The following CCDC171 variants were observed in gnomAD, a reference collection of about 807,000 sequenced individuals.
The protein encoded by CCDC171 is coiled-coil domain containing 171.
CCDC171 carries 177 observed loss-of-function variants against 168.2 expected under a neutral mutation model. The ratio of observed to expected loss-of-function variants is 1.05; its 90% CI spans 0.93 to 1.19. The LOEUF (loss-of-function observed/expected upper bound fraction) is 1.19. CCDC171 is among the 50% of genes most tolerant of loss of function. The pLI, the probability that CCDC171 is intolerant of heterozygous loss-of-function variation, is 0.00. For missense variants in CCDC171, 1,991 were observed against 1,539.0 expected, an observed-to-expected ratio of 1.29 and a Z score of -4.91; for synonymous variants, 687 against 540.8, an observed-to-expected ratio of 1.27 and a Z score of -3.75.
At chr9:15,665,191 A>G (rs2048644203) in intron 8 of CCDC171, among the ~76,000 whole-genome samples, 1 of 152,010 alleles carries the variant, frequency 6.6e-6, no homozygotes, top group South Asian at 2.1e-4. Flanking sequence ...CAGTGGTGCA[A>G]TCACAGCCCA....
chr9:15,964,034 G>A (rs994073462), intron 25 of CCDC171, among the ~76,000 whole-genome samples: 1 of 152,212 alleles, frequency 6.6e-6, no homozygotes, highest in African/African-American at 2.4e-5. Flanking sequence ...TGGAACTTGA[G>A]CAGCCATTTT....
At chr9:16,025,396 G>A (rs1260706104) in intron 6 of CCDC171, among the ~76,000 whole-genome samples, 1 of 152,198 alleles carries the variant, frequency 6.6e-6, no homozygotes, top group Non-Finnish European at 1.5e-5. Context: ...AGAGCTTGCA[G>A]TGAGCTGAGA....
chr9:15,812,773 C>T (rs1416804524), intron 21 of CCDC171, among the ~76,000 whole-genome samples: 1 of 152,168 alleles, frequency 6.6e-6, no homozygotes, highest in African/African-American at 2.4e-5. Context: ...TATTGTGGAC[C>T]AGTGACTGCT....
intron 4 of CCDC171, among the ~76,000 whole-genome samples, chr9:15,583,480 A>G (rs952198674): frequency 3.9e-5 from 6 of 152,172 alleles, no homozygotes; most frequent in Non-Finnish European, 8.8e-5. Context: ...AAAGAACGAA[A>G]TAGTGGCATA....
intron 4 of CCDC171, among the ~76,000 whole-genome samples, chr9:15,580,870 C>T (rs1478965544): frequency 3.9e-5 from 6 of 152,090 alleles, no homozygotes; most frequent in African/African-American, 1.4e-4. Context: ...AAAACCGGCA[C>T]AAGACAAGGA....
At chr9:15,729,486 A>G (rs569718043) in intron 15 of CCDC171, 124 bp from the exon 16 acceptor site, 7 of 535,668 alleles carry the variant, frequency 1.3e-5, no homozygotes, top group Non-Finnish European at 2.1e-5. Context: ...ATTTTATGTT[A>G]AAATTTTTAT....
At chr9:15,944,846 TTCTTTC>T (rs1027275494) in intron 25 of CCDC171, among the ~76,000 whole-genome samples, 1 of 149,944 alleles carries the variant, frequency 6.7e-6, no homozygotes, top group African/African-American at 2.5e-5. Flanking sequence ...TTTTCTTTCT[TTCTTTC>T]TTTCTTTCTT....
intron 24 of CCDC171, among the ~76,000 whole-genome samples, chr9:15,904,756 T>C (rs1589065237): frequency 6.6e-6 from 1 of 151,966 alleles, no homozygotes; most frequent in East Asian, 1.9e-4. Flanking sequence ...GACCCATCAG[T>C]GTGCTGTATT....
In CCDC171 at chr9:15,654,802, G is replaced by A. The variant is rs752507599; in HGVS notation, c.823-2325G>A. Reference sequence around the variant, plus strand: ...CACTGGGGAGTGTTGGAAAGTGGGTGCAGGACAGTGGGTGCAGTGCACTGA... The same window carrying A: ...CACTGGGGAGTGTTGGAAAGTGGGTACAGGACAGTGGGTGCAGTGCACTGA... On this transcript the variant is annotated intron_variant, in intron 7 of 25. Coordinates refer to ENST00000380701, the MANE Select transcript of CCDC171 (RefSeq NM_173550.4). 3.5e-4 allele frequency among the ~76,000 whole-genome samples: 54 copies of A among 152,240 alleles called. 1 individual carries two copies. Among genetic ancestry groups the A allele is most frequent in the Middle Eastern group, 3.4e-3 (1 of 294 alleles).
intron 6 of CCDC171, among the ~76,000 whole-genome samples, chr9:15,606,995 T>C (rs2043276087): frequency 6.6e-6 from 1 of 152,210 alleles, no homozygotes; most frequent in Non-Finnish European, 1.5e-5. Flanking sequence ...TTACATTTAT[T>C]TGGGATGAAG....
At chr9:15,747,734 T>C (rs546930359) in intron 18 of CCDC171, among the ~76,000 whole-genome samples, 87 of 152,114 alleles carry the variant, frequency 5.7e-4, no homozygotes, top group African/African-American at 2.0e-3. Context: ...CACCAAAACC[T>C]CATCTGTAAG....
intron 24 of CCDC171, among the ~76,000 whole-genome samples, chr9:15,888,275 G>T (rs1215718709): frequency 6.6e-6 from 1 of 152,096 alleles, no homozygotes; most frequent in African/African-American, 2.4e-5. Flanking sequence ...ATAATTAGAA[G>T]AATAATTGGA....
intron 3 of CCDC171, among the ~76,000 whole-genome samples, chr9:15,989,180 G>T (rs757207450): frequency 1.9e-4 from 29 of 152,318 alleles, no homozygotes; most frequent in Admixed American, 3.3e-4. Context: ...GCATCCCCCA[G>T]TAGGGGCAGA....
intron 18 of CCDC171, among the ~76,000 whole-genome samples, chr9:15,772,493 G>T (rs1484626897): frequency 6.6e-6 from 1 of 152,152 alleles, no homozygotes; most frequent in East Asian, 1.9e-4. Context: ...ATTATTAGCA[G>T]TTTGGAACAC....
At chr9:16,007,279 G>C in intron 3 of CCDC171, among the ~76,000 whole-genome samples, 1 of 152,070 alleles carries the variant, frequency 6.6e-6, no homozygotes, top group South Asian at 2.1e-4. Context: ...GGATGGGGTT[G>C]TTTGTTTTTT....
chr9:16,037,752 G>A (rs916092041), intron 8 of CCDC171, among the ~76,000 whole-genome samples: 6 of 152,046 alleles, frequency 3.9e-5, no homozygotes, highest in Non-Finnish European at 8.8e-5. Context: ...GTAGTAAACT[G>A]GAAGAGATTT....
chr9:15,655,029 T>C lies in CCDC171; in HGVS notation c.823-2098T>C, dbSNP rs575118335. The stretch of plus-strand genomic sequence containing the variant: ...GGGGAACATCACACACCGGAGCCTG[T>C]TGTGGGGTCGGGGGAGCAGGGAGGG... On this transcript the variant is annotated intron_variant, in intron 7 of 25. Transcript: ENST00000380701. Among the ~76,000 whole-genome samples, 3 of 152,098 alleles carry C rather than the reference T, an allele frequency of 2.0e-5. No homozygotes were observed. In the Middle Eastern group the frequency reaches 0.01, roughly 517 times the overall value.
intron 4 of CCDC171, chr9:16,020,890 A>G (rs1833143091): frequency 6.6e-6 from 1 of 152,252 alleles, no homozygotes; most frequent in Non-Finnish European, 1.5e-5. Context: ...AACCTCAGAA[A>G]GCAAAATCTC....
chr9:15,662,185 G>A (rs1219781179), intron 8 of CCDC171, among the ~76,000 whole-genome samples: 1 of 152,184 alleles, frequency 6.6e-6, no homozygotes, highest in Non-Finnish European at 1.5e-5. Context: ...GCTGAGGCAT[G>A]AGAATTGCTT....
Sources: allele counts gnomAD v4.1 joint callset (sites outside exome capture counted in the v4.1 genomes callset), GRCh38; gene constraint gnomAD v4.1.1; transcripts MANE v1.5; gene names NCBI Gene and HGNC (gene_info 2026-07-23, HGNC 2026-07-21).